CCDC88C: variants seen among roughly 807,000 people sequenced by gnomAD.
The protein encoded by CCDC88C is coiled-coil and HOOK domain protein 88C.
Under a neutral mutation model 198.8 loss-of-function variants are expected in CCDC88C, and 131 were observed. That is an observed-to-expected ratio of 0.66 (90% CI 0.57 to 0.76). CCDC88C has a LOEUF of 0.76. Among genes scored for constraint, CCDC88C ranks in the 30% least tolerant of loss-of-function variants. The pLI is 0.00. For synonymous variants in CCDC88C, 1,166 were observed against 1,114.7 expected (o/e 1.05, Z -0.92); for missense variants, 2,553 against 2,631.6 (o/e 0.97, Z 0.65).
In CCDC88C at chr14:91,313,017, C is replaced by A. The variant is rs1361580447; in HGVS notation, c.2736+63G>T. 1 of 1,260,530 alleles carries A rather than the reference C, an allele frequency of 7.9e-7. No homozygotes were observed. The allele number at this position is 1,260,530 out of a possible 1,614,324, so 78.1% of individuals were successfully genotyped here. Reference sequence around the variant, plus strand: ...GTCTTATTTCTCTCCTGAAACCATGCACCACAGAACCCACTACCACCATCT... The same window carrying A: ...GTCTTATTTCTCTCCTGAAACCATGAACCACAGAACCCACTACCACCATCT... On this transcript the variant is annotated intron_variant, in intron 15 of 29. Coordinates refer to ENST00000389857, the MANE Select transcript of CCDC88C (RefSeq NM_001080414.4). The surrounding 1 kb of genome is among the most constrained non-coding windows in gnomAD (Gnocchi z 5.2).
intron 12 of CCDC88C, among the ~76,000 whole-genome samples, chr14:91,324,116 G>C (rs17802862): frequency 0.042 from 6,410 of 152,348 alleles, 192 homozygotes; most frequent in Non-Finnish European, 0.063. Context: ...TCAAACACAG[G>C]AACTGGCTCA....
At chr14:91,285,879 A>G (rs1596022409) in intron 25 of CCDC88C, 1 of 1,092,994 alleles carries the variant, frequency 9.1e-7, no homozygotes, top group African/African-American at 1.7e-5. Flanking sequence ...GGAAGGAAAA[A>G]GAAAACACAA....
intron 29 of CCDC88C, among the ~76,000 whole-genome samples, chr14:91,275,727 G>T (rs1371445013): frequency 1.3e-5 from 2 of 151,368 alleles, no homozygotes; most frequent in African/African-American, 4.9e-5. Context: ...GGCTGGTCTC[G>T]AACGCCTGAC....
intron 3 of CCDC88C, among the ~76,000 whole-genome samples, chr14:91,361,210 T>C (rs1894290633): frequency 1.3e-5 from 2 of 151,962 alleles, no homozygotes; most frequent in Admixed American, 6.5e-5. Context: ...GTGGCCACTA[T>C]AGAAATTCTT....
chr14:91,391,041 T>C (rs546958764), intron 3 of CCDC88C, among the ~76,000 whole-genome samples: 8 of 152,324 alleles, frequency 5.3e-5, no homozygotes, highest in African/African-American at 1.4e-4. Flanking sequence ...GTAAGGATTC[T>C]TAGCAGCAGT....
At chr14:91,305,033 G>C (rs535703248) in intron 19 of CCDC88C, among the ~76,000 whole-genome samples, 1 of 152,198 alleles carries the variant, frequency 6.6e-6, no homozygotes, top group East Asian at 1.9e-4. Context: ...TTTGAGGTCA[G>C]GAGTTCGAGA....
At chr14:91,301,946 G>A (rs1891313168) in intron 20 of CCDC88C, among the ~76,000 whole-genome samples, 1 of 152,162 alleles carries the variant, frequency 6.6e-6, no homozygotes, top group Admixed American at 6.5e-5. Flanking sequence ...GGGGGAAGAC[G>A]AGGGAGAGAT....
chr14:91,414,828 A>C (rs1886963868), intron 2 of CCDC88C, among the ~76,000 whole-genome samples: 1 of 152,174 alleles, frequency 6.6e-6, no homozygotes, highest in Non-Finnish European at 1.5e-5. Flanking sequence ...TCACAGAGAG[A>C]ACATCTAAAA....
chr14:91,415,810 A>T (rs1887017732), intron 2 of CCDC88C, among the ~76,000 whole-genome samples: 1 of 152,174 alleles, frequency 6.6e-6, no homozygotes, highest in Non-Finnish European at 1.5e-5. Context: ...GGATATGCCA[A>T]AGCAAACTGC....
At position 91,272,951 on chromosome 14, in the gene CCDC88C, C is replaced by T. The variant is rs61741396; in HGVS notation, c.5761G>A (p.Gly1921Ser). ...AAGTGCAGGAGCTGGGAGTTGCTGC[C>T]ACTGCCAGCAGCAGCAGCACCAGCA... ...AGAGAAAAGS[G>S]SNSQLLHFSP... Residue 1921 changes from glycine (G) to serine (S), a missense_variant, in exon 30 of 30, where the codon GGC becomes AGC. This residue lies in a region of CCDC88C where 1,293 missense variants were observed against 1,219.6 expected (regional missense o/e 1.06). Transcript: ENST00000389857. The T allele has an allele frequency of 1.4e-3, 2,125 of 1,559,936 alleles. 25 individuals carry two copies. The African/African-American group carries it at 0.025, about 18-fold the overall frequency.
rs1427071720 is a variant in CCDC88C, at chr14:91,381,789, G to A, written c.271-22078C>T. On this transcript the variant is annotated intron_variant, in intron 3 of 29. Transcript: ENST00000389857. The surrounding 1 kb of genome is among the most constrained non-coding windows in gnomAD (Gnocchi z 4.2). ...GCAGAGGTTGCGGTGAGCCAAGATC[G>A]TGCCAGCCAGGGCAACGGAGCAAGA... Among the ~76,000 whole-genome samples, 11 of 152,070 alleles carry A rather than the reference G, an allele frequency of 7.2e-5. No individual in the cohort carries two copies. The highest frequency in any genetic ancestry group is 1.5e-4 in the Non-Finnish European group (10 of 68,024).
chr14:91,287,295 T>C (rs1890451746), intron 25 of CCDC88C, among the ~76,000 whole-genome samples: 1 of 152,210 alleles, frequency 6.6e-6, no homozygotes, highest in African/African-American at 2.4e-5. Context: ...GTGCTGACTC[T>C]ATCTAATCTT....
At chr14:91,312,981 G>T in intron 15 of CCDC88C, 99 bp downstream of exon 15, 1 of 882,630 alleles carries the variant, frequency 1.1e-6, no homozygotes. Flanking sequence ...AGCATTTAAG[G>T]AGGACACAGA....
At chr14:91,333,566 G>A (rs867700381) in intron 10 of CCDC88C, among the ~76,000 whole-genome samples, 1 of 152,220 alleles carries the variant, frequency 6.6e-6, no homozygotes, top group South Asian at 2.1e-4. Context: ...CACAGGACAC[G>A]GAAGGACACG....
intron 3 of CCDC88C, among the ~76,000 whole-genome samples, chr14:91,362,429 TTTG>T (rs1438207074): frequency 1.5e-5 from 2 of 136,358 alleles, no homozygotes; most frequent in African/African-American, 5.3e-5. Context: ...ATCATCCTGT[TTTG>T]TTGTTTTGTT....
Position 91,272,620 on chromosome 14 carries a change from G to A in CCDC88C, c.*5C>T. On this transcript the variant is annotated 3_prime_UTR_variant, in exon 30 of 30. Transcript: ENST00000389857. ...TTCAGGTTTGCGAGCTCAACCACGA[G>A]ACAGTCACACACAGCCGTACTCATA... 1 of 1,599,078 alleles carries A rather than the reference G, an allele frequency of 6.3e-7. No individual in the cohort carries two copies. The highest frequency in any genetic ancestry group is 8.5e-7 in the Non-Finnish European group (1 of 1,173,176).
chr14:91,275,606 T>C (rs1286493924), intron 29 of CCDC88C, among the ~76,000 whole-genome samples: 1 of 151,230 alleles, frequency 6.6e-6, no homozygotes, highest in Non-Finnish European at 1.5e-5. Flanking sequence ...ACCTCCCGAG[T>C]AGCTGGGATC....
At chr14:91,368,668 G>A (rs1385960108) in intron 3 of CCDC88C, among the ~76,000 whole-genome samples, 1 of 152,204 alleles carries the variant, frequency 6.6e-6, no homozygotes, top group African/African-American at 2.4e-5. Context: ...GGTGCTGGCT[G>A]TGCTTCAGGC....
At chr14:91,343,954 G>C (rs1430594135) in intron 4 of CCDC88C, among the ~76,000 whole-genome samples, 1 of 152,064 alleles carries the variant, frequency 6.6e-6, no homozygotes, top group Non-Finnish European at 1.5e-5. Flanking sequence ...CCTAGTAGCT[G>C]GGACTACAGA....
Sources: gnomAD v4.1 joint callset for allele counts (sites outside exome capture counted in the v4.1 genomes callset) on GRCh38, gnomAD v4.1.1 for gene constraint, gnomAD v4.1.1 regional missense constraint, Gnocchi (gnomAD v3.1) non-coding constraint, MANE v1.5 for transcripts, NCBI Gene and HGNC (gene_info 2026-07-23, HGNC 2026-07-21) for gene names.